Variants in DLG2 observed in about 807,000 individuals in gnomAD.
DLG2 encodes the protein disks large homolog 2.
In DLG2, 45 loss-of-function variants were observed where a neutral mutation model predicts 132.5. The ratio of observed to expected loss-of-function variants is 0.34; its 90% CI spans 0.27 to 0.44. The LOEUF is 0.44. Among genes scored for constraint, DLG2 ranks in the 20% least tolerant of loss-of-function variants. The pLI is 1.00. For missense variants in DLG2, 1,045 were observed against 1,196.9 expected, an observed-to-expected ratio of 0.87 and a Z score of 1.87; for synonymous variants, 424 against 419.6, an observed-to-expected ratio of 1.01 and a Z score of -0.13.
intron 6 of DLG2, among the ~76,000 whole-genome samples, chr11:84,696,842 T>G (rs971185274): frequency 6.6e-6 from 1 of 151,524 alleles, no homozygotes; most frequent in African/African-American, 2.4e-5. Flanking sequence ...TAAGTAAATC[T>G]GTAAACATTA....
intron 4 of DLG2, among the ~76,000 whole-genome samples, chr11:85,198,422 A>T (rs927395022): frequency 6.6e-6 from 1 of 152,274 alleles, no homozygotes; most frequent in African/African-American, 2.4e-5. Context: ...TAGCTATTAA[A>T]TTTCCACAAG....
At chr11:85,394,580 A>G (rs2087117477) in intron 3 of DLG2, among the ~76,000 whole-genome samples, 1 of 152,220 alleles carries the variant, frequency 6.6e-6, no homozygotes, top group Admixed American at 6.5e-5. Context: ...ATAATTGTTG[A>G]CTTCTCAAAA....
chr11:85,172,504 T>A (rs1008652490), intron 4 of DLG2, among the ~76,000 whole-genome samples: 4 of 152,136 alleles, frequency 2.6e-5, no homozygotes, highest in Non-Finnish European at 5.9e-5. Context: ...CCCACAAAGA[T>A]GGAACAGAAT....
intron 18 of DLG2, among the ~76,000 whole-genome samples, chr11:83,717,241 A>G (rs953406859): frequency 6.6e-6 from 1 of 152,238 alleles, no homozygotes; most frequent in African/African-American, 2.4e-5. Flanking sequence ...CACCAATACA[A>G]ATTAAAAAGC....
intron 7 of DLG2, among the ~76,000 whole-genome samples, chr11:84,274,756 T>A (rs1360699985): frequency 1.3e-5 from 2 of 152,218 alleles, no homozygotes; most frequent in Non-Finnish European, 2.9e-5. Flanking sequence ...AAATTGTTTT[T>A]CCTTAGTACT....
intron 6 of DLG2, among the ~76,000 whole-genome samples, chr11:84,712,758 T>C (rs898826980): frequency 6.6e-6 from 1 of 152,136 alleles, no homozygotes; most frequent in African/African-American, 2.4e-5. Flanking sequence ...TTTACAACAG[T>C]CCTGAAAGGA....
At chr11:84,251,363 AT>A in intron 7 of DLG2, 72 bp from the exon 8 acceptor site, 1 of 1,218,734 alleles carries the variant, frequency 8.2e-7, no homozygotes, top group Non-Finnish European at 1.1e-6. Flanking sequence ...CTGTTAACTT[AT>A]TTAACAAAGA....
chr11:85,230,949 C>A (rs1013543594), intron 4 of DLG2, among the ~76,000 whole-genome samples: 3 of 152,004 alleles, frequency 2.0e-5, no homozygotes, highest in Middle Eastern at 6.8e-3. Context: ...AAAGAACAAG[C>A]CCTTACCAGA....
At chr11:84,098,784 G>C in intron 10 of DLG2, 139 bp downstream of exon 10, 1 of 983,938 alleles carries the variant, frequency 1.0e-6, no homozygotes, top group Non-Finnish European at 1.5e-6. Flanking sequence ...GATCTGCAAA[G>C]TCATTTCAGG....
chr11:84,758,393 T>C (rs1420741461), intron 6 of DLG2, among the ~76,000 whole-genome samples: 1 of 152,246 alleles, frequency 6.6e-6, no homozygotes, highest in Non-Finnish European at 1.5e-5. Context: ...CAATGTTGTC[T>C]GTAAAATGAG....
At position 83,855,319 on chromosome 11, in the gene DLG2, T is replaced by C. The variant is rs991431188; in HGVS notation, c.1565+19101A>G. 2.6e-5 allele frequency among the ~76,000 whole-genome samples: 4 copies of C among 152,322 alleles called. No individual in the cohort carries two copies. The East Asian group carries it at 7.7e-4, about 29-fold the overall frequency. ...ATCCAGCAATTGTGCTCCTTGGTAT[T>C]TCTCCAAAGAAGCTGAAAACACATG... On this transcript the variant is annotated intron_variant, in intron 16 of 27. Coordinates refer to ENST00000376104, the MANE Select transcript of DLG2 (RefSeq NM_001142699.3).
intron 8 of DLG2, among the ~76,000 whole-genome samples, chr11:84,182,940 A>G (rs2096179440): frequency 6.6e-6 from 1 of 152,196 alleles, no homozygotes; most frequent in Non-Finnish European, 1.5e-5. Flanking sequence ...TTAAAAGGAT[A>G]ATAAGAGAAT....
intron 22 of DLG2, among the ~76,000 whole-genome samples, chr11:83,482,005 A>C (rs918612757): frequency 1.3e-5 from 2 of 152,080 alleles, no homozygotes; most frequent in African/African-American, 2.4e-5. Flanking sequence ...AAAGTTTACA[A>C]ATTCTCTCTG....
chr11:85,334,932 G>A (rs1268354887), intron 3 of DLG2, among the ~76,000 whole-genome samples: 5 of 152,028 alleles, frequency 3.3e-5, no homozygotes, highest in African/African-American at 9.7e-5. Context: ...GTAGATGTCC[G>A]TTAGGTCCTC....
intron 21 of DLG2, among the ~76,000 whole-genome samples, chr11:83,492,127 G>A (rs1296786147): frequency 6.6e-6 from 1 of 152,064 alleles, no homozygotes; most frequent in Non-Finnish European, 1.5e-5. Context: ...TACAGAAAAA[G>A]TTTCCTGGCT....
At chr11:84,373,268 A>AAAAAAAAAAAAAAAAAAAAC (rs1567449347) in intron 7 of DLG2, among the ~76,000 whole-genome samples, 1 of 135,738 alleles carries the variant, frequency 7.4e-6, no homozygotes, top group Non-Finnish European at 1.5e-5. Flanking sequence ...AAAAAAACAA[A>AAAAAAAAAAAAAAAAAAAAC]ACAAAAAAAA....
chr11:85,409,740 C>G (rs1377410421), intron 3 of DLG2, among the ~76,000 whole-genome samples: 1 of 151,798 alleles, frequency 6.6e-6, no homozygotes, highest in African/African-American at 2.4e-5. Flanking sequence ...TCTGACACAG[C>G]TATTTGACCT....
At chr11:84,717,293 A>G (rs983432101) in intron 6 of DLG2, among the ~76,000 whole-genome samples, 4 of 152,084 alleles carry the variant, frequency 2.6e-5, no homozygotes, top group Admixed American at 1.3e-4. Flanking sequence ...AAGTATCCTT[A>G]TTGAAATCTG....
At chr11:85,253,170 A>G (rs941704728) in intron 4 of DLG2, among the ~76,000 whole-genome samples, 2 of 152,206 alleles carry the variant, frequency 1.3e-5, no homozygotes, top group Non-Finnish European at 2.9e-5. Flanking sequence ...CTACACAAGG[A>G]TCTGAGACAA....
Sources: allele counts gnomAD v4.1 joint callset (sites outside exome capture counted in the v4.1 genomes callset), GRCh38; gene constraint gnomAD v4.1.1; transcripts MANE v1.5; gene names NCBI Gene and HGNC (gene_info 2026-07-23, HGNC 2026-07-21).